The following ROBO1 variants were observed in gnomAD, a reference collection of about 807,000 sequenced individuals.
ROBO1 encodes the protein roundabout guidance receptor 1.
ROBO1 carries 149 observed loss-of-function variants against 195.9 expected under a neutral mutation model. The ratio of observed to expected loss-of-function variants is 0.76; its 90% CI spans 0.67 to 0.87. The LOEUF (loss-of-function observed/expected upper bound fraction) is 0.87, where lower values mean the gene tolerates loss of function less well. Among genes scored for constraint, ROBO1 ranks in the 40% least tolerant of loss-of-function variants. The probability of loss-of-function intolerance (pLI) is 0.00; values close to 1 mark genes in which losing one functional copy is unlikely to be tolerated. For synonymous variants in ROBO1, 816 were observed against 733.2 expected (o/e 1.11, Z -1.82); for missense variants, 1,933 against 2,068.3 (o/e 0.93, Z 1.27).
chr3:78,615,218 T>C (rs1225118428), intron 27 of ROBO1, among the ~76,000 whole-genome samples: 1 of 152,222 alleles, frequency 6.6e-6, no homozygotes, highest in East Asian at 1.9e-4. Context: ...AAATTCATGT[T>C]CTAAGAAAAA....
In ROBO1 at chr3:79,579,261, C is replaced by T. The variant is rs181740764; in HGVS notation, c.88+10563G>A. Among the ~76,000 whole-genome samples the T allele has an allele frequency of 3.7e-3, 560 of 152,076 alleles. 2 individuals are homozygous for T. Among genetic ancestry groups the T allele is most frequent in the African/African-American group, 0.011 (473 of 41,448 alleles). ...TAATTCCAGTATAATTGAAAATTGT[C>T]GGTAAATGTTATTGTTATTTGAAGC... On this transcript the variant is annotated intron_variant, in intron 2 of 30. Transcript: ENST00000464233.
intron 1 of ROBO1, among the ~76,000 whole-genome samples, chr3:79,711,260 T>C (rs1208863042): frequency 6.6e-6 from 1 of 152,126 alleles, no homozygotes; most frequent in Non-Finnish European, 1.5e-5. Context: ...TTGTGCATAA[T>C]ACAGTGAATA....
intron 2 of ROBO1, among the ~76,000 whole-genome samples, chr3:79,153,356 A>T (rs951364600): frequency 2.6e-5 from 4 of 151,694 alleles, no homozygotes; most frequent in Non-Finnish European, 4.4e-5. Context: ...ATTTAGTGCT[A>T]ATTTTGAGTA....
chr3:79,412,874 A>ATTTTTTTTTTTTTTTTTTTTTTTTTTTTT lies in ROBO1; in HGVS notation c.88+176921_88+176949dup, dbSNP rs1167482550. Among the ~76,000 whole-genome samples, 7 of 38,338 alleles carry ATTTTTTTTTTTTTTTTTTTTTTTTTTTTT rather than the reference A, an allele frequency of 1.8e-4. 2 individuals are homozygous for ATTTTTTTTTTTTTTTTTTTTTTTTTTTTT. Among genetic ancestry groups the ATTTTTTTTTTTTTTTTTTTTTTTTTTTTT allele is most frequent in the African/African-American group, 6.1e-4 (5 of 8,178 alleles). The allele number at this position is 38,338 out of a possible 152,430, so 25.2% of individuals were successfully genotyped here. ...AATGATTTTATTGCCTCATGAGCTG[A>ATTTTTTTTTTTTTTTTTTTTTTTTTTTTT]TTTTTTTTTTTTTTTTTTTTTTTTT... On this transcript the variant is annotated intron_variant, in intron 2 of 30. Transcript: ENST00000464233.
At chr3:79,274,221 C>T (rs11918897) in intron 2 of ROBO1, among the ~76,000 whole-genome samples, 10,534 of 151,896 alleles carry the variant, frequency 0.069, 829 homozygotes, top group African/African-American at 0.19. Context: ...ACATTGATCA[C>T]CTCAGCACAT....
At chr3:78,721,747 T>G (rs115878487) in intron 5 of ROBO1, among the ~76,000 whole-genome samples, 1 of 152,330 alleles carries the variant, frequency 6.6e-6, no homozygotes, top group Non-Finnish European at 1.5e-5. Flanking sequence ...GATTTATTTC[T>G]ACAGCTTCAG....
chr3:79,146,434 T>C (rs1042243942), intron 2 of ROBO1, among the ~76,000 whole-genome samples: 1 of 152,066 alleles, frequency 6.6e-6, no homozygotes, highest in Non-Finnish European at 1.5e-5. Context: ...AAAATATGTT[T>C]ATTATACTTT....
In ROBO1 at chr3:79,577,899, G is replaced by C. The variant is rs534506991; in HGVS notation, c.88+11925C>G. On this transcript the variant is annotated intron_variant, in intron 2 of 30. Transcript: ENST00000464233. Reference sequence around the variant, plus strand: ...CGCCCTCCAGCCTGGAAGACAGAGGGAGACTCTGTCTCAAAACAAAAAAAC... The same window carrying C: ...CGCCCTCCAGCCTGGAAGACAGAGGCAGACTCTGTCTCAAAACAAAAAAAC... 2.5e-4 allele frequency among the ~76,000 whole-genome samples: 38 copies of C among 151,816 alleles called. 1 individual carries two copies. In the South Asian group the frequency reaches 7.9e-3, roughly 32 times the overall value.
intron 2 of ROBO1, among the ~76,000 whole-genome samples, chr3:79,276,512 A>C (rs1157336057): frequency 1.3e-5 from 2 of 152,066 alleles, no homozygotes; most frequent in Non-Finnish European, 2.9e-5. Context: ...TCAAACTATG[A>C]AACTATGAAA....
chr3:79,119,845 A>G (rs1011482675), intron 3 of ROBO1, among the ~76,000 whole-genome samples: 1 of 151,776 alleles, frequency 6.6e-6, no homozygotes, highest in Admixed American at 6.6e-5. Flanking sequence ...ATCTCAGCTC[A>G]CTACAACCTC....
chr3:78,786,133 A>G (rs2083825868), intron 4 of ROBO1, among the ~76,000 whole-genome samples: 1 of 152,144 alleles, frequency 6.6e-6, no homozygotes. Context: ...TTTGAAATTG[A>G]TTCCATGACT....
intron 2 of ROBO1, among the ~76,000 whole-genome samples, chr3:79,160,202 A>C (rs1411457996): frequency 6.6e-6 from 1 of 151,764 alleles, no homozygotes; most frequent in Non-Finnish European, 1.5e-5. Flanking sequence ...GTTGATGTTC[A>C]CAATATTATT....
intron 2 of ROBO1, among the ~76,000 whole-genome samples, chr3:79,460,786 C>T (rs1296125080): frequency 4.6e-5 from 7 of 151,906 alleles, no homozygotes; most frequent in Non-Finnish European, 7.4e-5. Context: ...CTCGCTCTGT[C>T]GCCCAGGCTG....
intron 3 of ROBO1, among the ~76,000 whole-genome samples, chr3:79,104,886 G>C (rs910848232): frequency 6.6e-6 from 1 of 151,756 alleles, no homozygotes; most frequent in Admixed American, 6.6e-5. Flanking sequence ...AGAGAGCTTA[G>C]AGACAGACCC....
chr3:79,009,932 G>C (rs912098044), intron 3 of ROBO1, among the ~76,000 whole-genome samples: 1 of 152,148 alleles, frequency 6.6e-6, no homozygotes, highest in Non-Finnish European at 1.5e-5. Context: ...ATAAAAACTA[G>C]TTGGTACTTA....
intron 1 of ROBO1, among the ~76,000 whole-genome samples, chr3:79,637,469 G>A (rs1945529262): frequency 6.7e-6 from 1 of 149,168 alleles, no homozygotes; most frequent in Non-Finnish European, 1.5e-5. Flanking sequence ...TTTTACATTG[G>A]AAAAAAAAAA....
intron 3 of ROBO1, among the ~76,000 whole-genome samples, chr3:79,093,093 C>T (rs778777305): frequency 1.2e-4 from 19 of 152,092 alleles, no homozygotes; most frequent in Non-Finnish European, 2.8e-4. Context: ...TGCATTCACA[C>T]AGACTGAGAA....
intron 1 of ROBO1, among the ~76,000 whole-genome samples, chr3:79,619,298 C>A (rs1944928655): frequency 6.6e-6 from 1 of 152,100 alleles, no homozygotes; most frequent in Admixed American, 6.5e-5. Flanking sequence ...TCTGTTTAAA[C>A]TTACCTCCCT....
intron 1 of ROBO1, among the ~76,000 whole-genome samples, chr3:79,701,163 A>G (rs562082104): frequency 6.6e-6 from 1 of 151,652 alleles, no homozygotes; most frequent in African/African-American, 2.4e-5. Context: ...TTGAGTCTCT[A>G]TTCCATTCCA....
Sources: gnomAD v4.1 joint callset for allele counts (sites outside exome capture counted in the v4.1 genomes callset) on GRCh38, gnomAD v4.1.1 for gene constraint, MANE v1.5 for transcripts, NCBI Gene and HGNC (gene_info 2026-07-23, HGNC 2026-07-21) for gene names.